ALPL: variants seen among roughly 807,000 people sequenced by gnomAD.
The protein encoded by ALPL is alkaline phosphatase, biomineralization associated.
A neutral mutation model predicts 51.3 loss-of-function variants in ALPL; 42 were observed. The ratio of observed to expected loss-of-function variants is 0.82; its 90% CI spans 0.64 to 1.06. ALPL has a LOEUF of 1.06. Ranked by LOEUF, ALPL falls within the 50% of genes least tolerant of loss-of-function variation. The probability of loss-of-function intolerance (pLI) is 0.00; values close to 1 mark genes in which losing one functional copy is unlikely to be tolerated. For missense variants in ALPL, 589 were observed against 709.4 expected (o/e 0.83, Z 1.93); for synonymous variants, 279 against 296.4 (o/e 0.94, Z 0.60).
intron 6 of ALPL, among the ~76,000 whole-genome samples, chr1:21,565,368 C>A (rs12402697): frequency 0.17 from 25,310 of 152,160 alleles, 2,703 homozygotes; most frequent in East Asian, 0.44. Flanking sequence ...GAGTTCCTTC[C>A]CCTCCCTATG....
intron 1 of ALPL, among the ~76,000 whole-genome samples, chr1:21,511,310 G>T (rs1558522740): frequency 6.6e-6 from 1 of 152,206 alleles, no homozygotes; most frequent in Non-Finnish European, 1.5e-5. Context: ...CTTTAGCAAA[G>T]GCAGCCTTGC....
chr1:21,559,751 C>T (rs917399225), intron 2 of ALPL, among the ~76,000 whole-genome samples: 1 of 152,150 alleles, frequency 6.6e-6, no homozygotes, highest in Non-Finnish European at 1.5e-5. Context: ...AACTCCTGAG[C>T]TCAGGTGATC....
intron 1 of ALPL, among the ~76,000 whole-genome samples, chr1:21,548,396 A>G (rs1558540199): frequency 6.6e-6 from 1 of 152,080 alleles, no homozygotes; most frequent in Non-Finnish European, 1.5e-5. Context: ...AGCCTATCTC[A>G]ATGCCTATCC....
chr1:21,528,226 C>T (rs1426293027), intron 1 of ALPL, among the ~76,000 whole-genome samples: 2 of 151,698 alleles, frequency 1.3e-5, no homozygotes, highest in Admixed American at 6.6e-5. Flanking sequence ...CCTTATGTTG[C>T]CCAGGCTGGT....
At chr1:21,537,743 G>A (rs1451270918) in intron 1 of ALPL, among the ~76,000 whole-genome samples, 1 of 152,186 alleles carries the variant, frequency 6.6e-6, no homozygotes. Context: ...GGACGGACCT[G>A]GCCTGAATCC....
At chr1:21,554,457 T>C (rs1450533641) in intron 2 of ALPL, among the ~76,000 whole-genome samples, 1 of 147,938 alleles carries the variant, frequency 6.8e-6, no homozygotes, top group Admixed American at 6.8e-5. Context: ...TATTTTTCCA[T>C]ATATATATTT....
intron 1 of ALPL, among the ~76,000 whole-genome samples, chr1:21,516,400 G>A (rs1411220097): frequency 6.6e-6 from 1 of 150,916 alleles, no homozygotes; most frequent in Non-Finnish European, 1.5e-5. Context: ...TCCCTGCCAT[G>A]CCACTACTAA....
intron 1 of ALPL, among the ~76,000 whole-genome samples, chr1:21,537,159 A>G (rs865999295): frequency 2.0e-5 from 3 of 151,958 alleles, no homozygotes; most frequent in Non-Finnish European, 2.9e-5. Context: ...GCCTCCCAAA[A>G]TGCTGGGATT....
chr1:21,564,138 C>T lies in ALPL; in HGVS notation c.570C>T (p.Asn190=), dbSNP rs760153868. The change falls in exon 6 of 12, where the codon AAC becomes AAT. Residue 190 remains asparagine, a synonymous_variant. Coordinates refer to ENST00000374840, the MANE Select transcript of ALPL (RefSeq NM_000478.6). The surrounding 1 kb of genome is among the most constrained non-coding windows in gnomAD (Gnocchi z 5.8). The part of the protein sequence containing the change: ...HSADRDWYSD[N]EMPPEALSQG... ...CTGACCGGGACTGGTACTCAGACAA[C>T]GAGATGCCCCCTGAGGCCTTGAGCC... 30 of 1,613,968 alleles carry T rather than the reference C, an allele frequency of 1.9e-5. No homozygotes were observed. The highest frequency in any genetic ancestry group is 5.5e-5 in the South Asian group (5 of 91,090).
At chr1:21,577,345 CTGGCAGGCTCT>C in intron 11 of ALPL, 27 bp from the exon 12 acceptor site, 1 of 1,612,988 alleles carries the variant, frequency 6.2e-7, no homozygotes, top group Non-Finnish European at 8.5e-7. Flanking sequence ...CGCCAGGCCC[CTGGCAGGCTCT>C]CAGCAGGTGT....
At chr1:21,569,417 GC>G (rs1644614374) in intron 7 of ALPL, among the ~76,000 whole-genome samples, 1 of 152,188 alleles carries the variant, frequency 6.6e-6, no homozygotes, top group Non-Finnish European at 1.5e-5. Context: ...AGAAAATCAT[GC>G]CTTAAGAGTG....
chr1:21,531,283 CAGGGTCTCACTTTG>C (rs1029028603), intron 1 of ALPL, among the ~76,000 whole-genome samples: 10 of 152,070 alleles, frequency 6.6e-5, no homozygotes, highest in African/African-American at 2.4e-4. Context: ...TTGTAAGAGA[CAGGGTCTCACTTTG>C]TTGCCCAGGC....
chr1:21,553,180 C>A (rs1355988395), intron 1 of ALPL, among the ~76,000 whole-genome samples: 1 of 151,064 alleles, frequency 6.6e-6, no homozygotes, highest in African/African-American at 2.4e-5. Context: ...TCTTCAATTA[C>A]ATCCGACTTT....
intron 8 of ALPL, among the ~76,000 whole-genome samples, chr1:21,570,617 G>A (rs1305625728): frequency 6.6e-6 from 1 of 152,200 alleles, no homozygotes; most frequent in Non-Finnish European, 1.5e-5. Context: ...GCTCAGAGAG[G>A]GGAGTGGCCC....
At position 21,573,654 on chromosome 1, in the gene ALPL, G is replaced by T; in HGVS notation, c.863-11G>T. ...CTCTCAGCATCCACATCCTCCTGGC[G>T]TCCTCCTCAGGTCTCTTCGAGCCAG... is the stretch of plus-strand genomic sequence containing the variant. On this transcript the variant is annotated splice_polypyrimidine_tract_variant and intron_variant, in intron 8 of 11. Transcript: ENST00000374840. The T allele has an allele frequency of 6.2e-7, 1 of 1,613,238 alleles. No homozygotes were observed. The highest frequency in any genetic ancestry group is 8.5e-7 in the Non-Finnish European group (1 of 1,179,790).
At chr1:21,524,909 G>C (rs1238151687) in intron 1 of ALPL, among the ~76,000 whole-genome samples, 1 of 152,012 alleles carries the variant, frequency 6.6e-6, no homozygotes, top group East Asian at 1.9e-4. Context: ...ACCAGGGTCA[G>C]GGGGAGGCCA....
At position 21,520,526 on chromosome 1, in the gene ALPL, G is replaced by T. The variant is rs112848648; in HGVS notation, c.-105+11009G>T. The stretch of plus-strand genomic sequence containing the variant: ...CCTGTCGCCCAGGATGGAGTGCAGT[G>T]GCTTGATCTTGGCTCACTGCAGCCT... On this transcript the variant is annotated intron_variant, in intron 1 of 11. Transcript: ENST00000374840. 5.8e-3 allele frequency among the ~76,000 whole-genome samples: 807 copies of T among 139,410 alleles called. 9 individuals carry two copies. Among genetic ancestry groups the T allele is most frequent in the Middle Eastern group, 0.026 (6 of 234 alleles). 91.5% of individuals were successfully genotyped at this position (139,410 alleles called of 152,430 possible). A position where few individuals can be genotyped will look rare whatever the true frequency, so the allele number is the denominator to read the frequency against.
intron 1 of ALPL, among the ~76,000 whole-genome samples, chr1:21,544,325 C>A (rs1242481370): frequency 2.0e-5 from 3 of 152,240 alleles, no homozygotes; most frequent in African/African-American, 7.2e-5. Flanking sequence ...TGTGACAGCT[C>A]ACCCAGTGAC....
Position 21,564,215 on chromosome 1 carries a change from A to G in ALPL, c.647A>G (p.Asp216Gly). ...YQLMHNIRDI[D>G]VIMGGGRKYM... is the part of the protein sequence containing the mutation. Reference sequence around the variant, plus strand: ...CTCATGCATAACATCAGGGACATTGACGTGAGTGCTCGGGGGCAGCCGGGC... The same window carrying G: ...CTCATGCATAACATCAGGGACATTGGCGTGAGTGCTCGGGGGCAGCCGGGC... The change falls in exon 6 of 12, where the codon GAC becomes GGC. Residue 216 changes from aspartate (D) to glycine (G), a missense_variant and splice_region_variant. Physicochemically the swap from Asp to Gly is moderately conservative, Grantham distance 94 (BLOSUM62 -1). Coordinates refer to ENST00000374840, the MANE Select transcript of ALPL (RefSeq NM_000478.6). This position sits in a 1 kb window ranked among gnomAD's most constrained non-coding sequence, Gnocchi z 5.8. 1 of 1,613,574 alleles carries G rather than the reference A, an allele frequency of 6.2e-7. No individual in the cohort carries two copies. The highest frequency in any genetic ancestry group is 8.5e-7 in the Non-Finnish European group (1 of 1,179,924).
Sources: gnomAD v4.1 joint callset for allele counts (sites outside exome capture counted in the v4.1 genomes callset) on GRCh38, gnomAD v4.1.1 for gene constraint, Gnocchi (gnomAD v3.1) non-coding constraint, MANE v1.5 for transcripts, NCBI Gene and HGNC (gene_info 2026-07-23, HGNC 2026-07-21) for gene names.